The following ZNF804B variants were observed in gnomAD, a reference collection of about 807,000 sequenced individuals.
The protein encoded by ZNF804B is zinc finger protein 804B, also known as zinc finger 804B.
In ZNF804B, 80 loss-of-function variants were observed where a neutral mutation model predicts 101.4. The ratio of observed to expected loss-of-function variants is 0.79; its 90% CI spans 0.66 to 0.95. The LOEUF (loss-of-function observed/expected upper bound fraction) is 0.95. Ranked by LOEUF, ZNF804B falls within the 40% of genes least tolerant of loss-of-function variation. The pLI is 0.00. For synonymous variants in ZNF804B, 622 were observed against 558.8 expected (o/e 1.11, Z -1.59); for missense variants, 1,673 against 1,561.9 (o/e 1.07, Z -1.20).
intron 1 of ZNF804B, among the ~76,000 whole-genome samples, chr7:88,842,485 G>T (rs1791303934): frequency 6.6e-6 from 1 of 152,192 alleles, no homozygotes; most frequent in Non-Finnish European, 1.5e-5. Flanking sequence ...GAACAGGTCA[G>T]AAAATGAAGA....
chr7:88,940,649 G>T (rs934315557), intron 1 of ZNF804B, among the ~76,000 whole-genome samples: 10 of 151,638 alleles, frequency 6.6e-5, no homozygotes, highest in African/African-American at 2.2e-4. Flanking sequence ...TGCACTTGTG[G>T]TCCCAGCTAC....
intron 1 of ZNF804B, among the ~76,000 whole-genome samples, chr7:88,974,750 T>C (rs1022458104): frequency 2.0e-5 from 3 of 151,406 alleles, no homozygotes; most frequent in African/African-American, 2.4e-5. Context: ...GGAGGGTAAA[T>C]TGGGTATCCA....
intron 1 of ZNF804B, among the ~76,000 whole-genome samples, chr7:88,811,054 TAAAAAA>T (rs536084876): frequency 3.5e-5 from 5 of 143,326 alleles, no homozygotes; most frequent in Non-Finnish European, 6.2e-5. Context: ...ATCTCAGAAT[TAAAAAA>T]AAAAAACATT....
intron 1 of ZNF804B, among the ~76,000 whole-genome samples, chr7:88,858,892 A>G (rs1002955780): frequency 3.9e-5 from 6 of 152,112 alleles, no homozygotes; most frequent in Non-Finnish European, 7.4e-5. Context: ...TTCTATAGCT[A>G]TAAGGTAGGC....
intron 1 of ZNF804B, among the ~76,000 whole-genome samples, chr7:88,855,616 G>A (rs1007824869): frequency 6.6e-5 from 10 of 152,146 alleles, no homozygotes; most frequent in East Asian, 3.9e-4. Context: ...TAATTAGATC[G>A]CATTTGTCAA....
intron 1 of ZNF804B, among the ~76,000 whole-genome samples, chr7:89,045,643 A>G (rs1377258809): frequency 6.6e-6 from 1 of 152,168 alleles, no homozygotes; most frequent in Non-Finnish European, 1.5e-5. Context: ...TGATTGCTCT[A>G]TTGGATTTCA....
At chr7:89,219,138 T>G (rs1347684753) in intron 2 of ZNF804B, among the ~76,000 whole-genome samples, 1 of 152,034 alleles carries the variant, frequency 6.6e-6, no homozygotes, top group Non-Finnish European at 1.5e-5. Flanking sequence ...CAACTGTATG[T>G]AGGGAAACCA....
chr7:88,851,343 T>C (rs1791448029), intron 1 of ZNF804B, among the ~76,000 whole-genome samples: 2 of 151,846 alleles, frequency 1.3e-5, no homozygotes, highest in Non-Finnish European at 2.9e-5. Flanking sequence ...TACCATCAAA[T>C]TGCATAAAAG....
In ZNF804B at chr7:88,903,627, G is replaced by A. The variant is rs1792424503; in HGVS notation, c.108+143543G>A. Among the ~76,000 whole-genome samples the A allele has an allele frequency of 2.0e-5, 3 of 151,972 alleles. No individual in the cohort carries two copies. The South Asian group carries it at 6.2e-4, about 32-fold the overall frequency. ...GCCTCGCCAGCATCTGTTATTTTTT[G>A]ACTTTTTATTAATAGCCATTCTGAG... On this transcript the variant is annotated intron_variant, in intron 1 of 3. Transcript: ENST00000333190.
intron 1 of ZNF804B, among the ~76,000 whole-genome samples, chr7:89,149,353 GT>G (rs1463129673): frequency 6.6e-6 from 1 of 152,016 alleles, no homozygotes; most frequent in Non-Finnish European, 1.5e-5. Context: ...AAGAATTTCA[GT>G]TTTTTAAACC....
chr7:89,268,874 AG>A (rs1162356379), intron 2 of ZNF804B, among the ~76,000 whole-genome samples: 2 of 152,042 alleles, frequency 1.3e-5, no homozygotes, highest in Admixed American at 6.6e-5. Flanking sequence ...TCTTTAGACA[AG>A]TGCTGTATAA....
chr7:89,296,160 C>T (rs1282027588), intron 2 of ZNF804B, among the ~76,000 whole-genome samples: 1 of 151,988 alleles, frequency 6.6e-6, no homozygotes. Context: ...AAAATAAATA[C>T]ATATGTACAT....
chr7:89,237,447 T>C (rs1789301659), intron 2 of ZNF804B, among the ~76,000 whole-genome samples: 1 of 152,184 alleles, frequency 6.6e-6, no homozygotes, highest in Admixed American at 6.5e-5. Flanking sequence ...TCCCATCCAC[T>C]TGAAAATGTT....
chr7:88,777,456 C>T (rs961435585), intron 1 of ZNF804B, among the ~76,000 whole-genome samples: 1 of 152,208 alleles, frequency 6.6e-6, no homozygotes, highest in African/African-American at 2.4e-5. Context: ...AGTTTACAGG[C>T]ATGCAGTCCC....
At chr7:89,234,525 A>G (rs150330092) in intron 2 of ZNF804B, among the ~76,000 whole-genome samples, 53 of 152,192 alleles carry the variant, frequency 3.5e-4, no homozygotes, top group Non-Finnish European at 6.5e-4. Context: ...AGGGATGCCA[A>G]GATGGCTGGT....
At chr7:89,332,910 C>T (rs2115995618) in intron 3 of ZNF804B, among the ~76,000 whole-genome samples, 1 of 151,774 alleles carries the variant, frequency 6.6e-6, no homozygotes, top group African/African-American at 2.4e-5. Context: ...AGGAGCTAAA[C>T]ATTATAAAAT....
chr7:88,826,526 G>T (rs1791053134), intron 1 of ZNF804B, among the ~76,000 whole-genome samples: 1 of 152,104 alleles, frequency 6.6e-6, no homozygotes, highest in South Asian at 2.1e-4. Context: ...TTCAGCAGGG[G>T]TCTAATTGGA....
At chr7:88,851,901 T>C (rs536660599) in intron 1 of ZNF804B, among the ~76,000 whole-genome samples, 6 of 152,228 alleles carry the variant, frequency 3.9e-5, no homozygotes, top group Admixed American at 6.5e-5. Context: ...TGAAGTGTTA[T>C]AGCATTGAGT....
intron 1 of ZNF804B, among the ~76,000 whole-genome samples, chr7:88,809,271 TTATG>T (rs968881035): frequency 5.5e-4 from 83 of 152,238 alleles, no homozygotes; most frequent in African/African-American, 2.0e-3. Flanking sequence ...ATTTAAGATT[TTATG>T]TATGTATACA....
Sources: allele counts gnomAD v4.1 joint callset (sites outside exome capture counted in the v4.1 genomes callset), GRCh38; gene constraint gnomAD v4.1.1; transcripts MANE v1.5; gene names NCBI Gene and HGNC (gene_info 2026-07-23, HGNC 2026-07-21).